CNTN1: variants seen among roughly 807,000 people sequenced by gnomAD.
CNTN1 encodes contactin 1.
Under a neutral mutation model 126.4 loss-of-function variants are expected in CNTN1, and 38 were observed. The observed-to-expected ratio is 0.30, with a 90% confidence interval of 0.23 to 0.39. The LOEUF (loss-of-function observed/expected upper bound fraction) is 0.39, where lower values mean the gene tolerates loss of function less well. CNTN1 is among the 10% of genes least tolerant of loss of function. The probability of loss-of-function intolerance (pLI) is 1.00; values close to 1 mark genes in which losing one functional copy is unlikely to be tolerated. For missense variants in CNTN1, 1,009 were observed against 1,248.4 expected (o/e 0.81, Z 2.89); for synonymous variants, 413 against 422.6 (o/e 0.98, Z 0.28).
chr12:40,868,705 A>C (rs1000551350), intron 1 of CNTN1, among the ~76,000 whole-genome samples: 2 of 151,976 alleles, frequency 1.3e-5, no homozygotes, highest in Admixed American at 1.3e-4. Flanking sequence ...GGCTGATTGT[A>C]CTGCATCCCA....
chr12:40,971,641 C>G, intron 15 of CNTN1: 1 of 1,477,708 alleles, frequency 6.8e-7, no homozygotes, highest in Non-Finnish European at 8.9e-7. Context: ...AGTATGTTTC[C>G]CCTTTTGAAA....
intron 15 of CNTN1, among the ~76,000 whole-genome samples, chr12:40,963,825 T>C (rs1488148041): frequency 1.3e-5 from 2 of 152,104 alleles, no homozygotes; most frequent in African/African-American, 4.8e-5. Context: ...CAGCCCTGTA[T>C]GAATATTTTT....
intron 1 of CNTN1, among the ~76,000 whole-genome samples, chr12:40,827,290 A>C (rs531537965): frequency 6.6e-6 from 1 of 152,112 alleles, no homozygotes; most frequent in East Asian, 1.9e-4. Flanking sequence ...TTATGTTCCA[A>C]AATAATTAAT....
At chr12:41,024,115 T>C (rs1212531046) in intron 20 of CNTN1, among the ~76,000 whole-genome samples, 2 of 152,164 alleles carry the variant, frequency 1.3e-5, no homozygotes, top group African/African-American at 4.8e-5. Context: ...ATTCAACACA[T>C]AAACCTCACT....
At chr12:40,986,250 ATTTC>A (rs1432379604) in intron 16 of CNTN1, among the ~76,000 whole-genome samples, 2 of 152,080 alleles carry the variant, frequency 1.3e-5, no homozygotes, top group Non-Finnish European at 2.9e-5. Flanking sequence ...AGTGGGTCAT[ATTTC>A]TTTGTTTGCT....
intron 1 of CNTN1, among the ~76,000 whole-genome samples, chr12:40,876,531 C>T (rs1164885390): frequency 1.3e-5 from 2 of 151,874 alleles, no homozygotes; most frequent in African/African-American, 4.8e-5. Context: ...TCAATATGAC[C>T]ACCTTTATTC....
At chr12:40,770,691 A>G (rs1254281061) in intron 1 of CNTN1, among the ~76,000 whole-genome samples, 2 of 152,164 alleles carry the variant, frequency 1.3e-5, no homozygotes, top group African/African-American at 4.8e-5. Flanking sequence ...AGCTTAACAT[A>G]TAATATGCCA....
intron 1 of CNTN1, among the ~76,000 whole-genome samples, chr12:40,744,787 T>C (rs777195732): frequency 6.6e-6 from 1 of 152,100 alleles, no homozygotes; most frequent in Non-Finnish European, 1.5e-5. Flanking sequence ...GATAGATTCA[T>C]AGATATATTG....
chr12:40,768,284 A>AG (rs1939197647), intron 1 of CNTN1, among the ~76,000 whole-genome samples: 1 of 152,224 alleles, frequency 6.6e-6, no homozygotes, highest in African/African-American at 2.4e-5. Context: ...GTAGCTGGTA[A>AG]GGGTTGAGGG....
intron 1 of CNTN1, among the ~76,000 whole-genome samples, chr12:40,699,519 C>A (rs1452546866): frequency 5.3e-5 from 8 of 151,928 alleles, no homozygotes; most frequent in Non-Finnish European, 1.0e-4. Context: ...TTAAATAATT[C>A]TGCATTTTAA....
intron 1 of CNTN1, among the ~76,000 whole-genome samples, chr12:40,864,239 C>T (rs1205159563): frequency 1.3e-5 from 2 of 151,554 alleles, no homozygotes; most frequent in African/African-American, 2.4e-5. Context: ...AGGCTGGTCT[C>T]GAACTCCTGA....
intron 1 of CNTN1, among the ~76,000 whole-genome samples, chr12:40,873,156 A>G (rs1183836396): frequency 6.6e-6 from 1 of 152,226 alleles, no homozygotes; most frequent in African/African-American, 2.4e-5. Flanking sequence ...TAATGAAGAC[A>G]GAGAGGCATT....
chr12:40,758,389 C>T (rs1046467120), intron 1 of CNTN1, among the ~76,000 whole-genome samples: 13 of 151,620 alleles, frequency 8.6e-5, no homozygotes, highest in Non-Finnish European at 1.8e-4. Flanking sequence ...CAACCAGTTA[C>T]TGAACACCTA....
chr12:40,954,401 A>G (rs1566028676), intron 14 of CNTN1, among the ~76,000 whole-genome samples: 2 of 152,032 alleles, frequency 1.3e-5, no homozygotes, highest in Non-Finnish European at 2.9e-5. Flanking sequence ...ACTTAGACAT[A>G]TATGTCAATT....
intron 21 of CNTN1, 44 bp downstream of exon 21, chr12:41,025,380 T>C (rs1295245246): frequency 8.9e-6 from 14 of 1,576,058 alleles, no homozygotes; most frequent in Middle Eastern, 1.7e-4. Flanking sequence ...AAACTACCAC[T>C]GGATTCAATC....
intron 1 of CNTN1, among the ~76,000 whole-genome samples, chr12:40,773,094 A>G (rs1426590270): frequency 1.3e-5 from 2 of 151,894 alleles, no homozygotes; most frequent in Non-Finnish European, 2.9e-5. Context: ...AGTTCTTTTA[A>G]AAATTCATGC....
chr12:40,723,496 T>G (rs1942272168), intron 1 of CNTN1, among the ~76,000 whole-genome samples: 1 of 152,234 alleles, frequency 6.6e-6, no homozygotes, highest in South Asian at 2.1e-4. Flanking sequence ...GCTATATAAA[T>G]GTTCATCTGA....
chr12:40,927,784 G>A (rs1195842675), intron 6 of CNTN1, among the ~76,000 whole-genome samples: 1 of 152,100 alleles, frequency 6.6e-6, no homozygotes, highest in Non-Finnish European at 1.5e-5. Context: ...CGGGCATTCA[G>A]TCAGTTAGAC....
intron 1 of CNTN1, among the ~76,000 whole-genome samples, chr12:40,907,335 T>C (rs1356070186): frequency 1.3e-5 from 2 of 152,270 alleles, no homozygotes; most frequent in Non-Finnish European, 1.5e-5. Context: ...AACTATGTCA[T>C]TGCACTGGCT....
Sources: gnomAD v4.1 joint callset for allele counts (sites outside exome capture counted in the v4.1 genomes callset) on GRCh38, gnomAD v4.1.1 for gene constraint, MANE v1.5 for transcripts, NCBI Gene and HGNC (gene_info 2026-07-23, HGNC 2026-07-21) for gene names.